CRYZL1: variants seen among roughly 807,000 people sequenced by gnomAD.
CRYZL1 encodes crystallin zeta like 1, also known as ferry endosomal RAB5 effector complex subunit 4.
CRYZL1 carries 34 observed loss-of-function variants against 50.6 expected under a neutral mutation model. That is an observed-to-expected ratio of 0.67 (90% CI 0.51 to 0.89). The LOEUF (loss-of-function observed/expected upper bound fraction) is 0.89, where lower values mean the gene tolerates loss of function less well. CRYZL1 is among the 40% of genes least tolerant of loss of function. CRYZL1 has a pLI of 0.00. For missense variants in CRYZL1, 354 were observed against 402.3 expected, an observed-to-expected ratio of 0.88 and a Z score of 1.03; for synonymous variants, 125 against 134.3, an observed-to-expected ratio of 0.93 and a Z score of 0.48.
chr21:33,613,418 C>A, intron 6 of CRYZL1, 120 bp downstream of exon 6: 1 of 642,186 alleles, frequency 1.6e-6, no homozygotes, highest in Non-Finnish European at 2.7e-6. Context: ...ACATGACTGG[C>A]TAATGATACT....
rs761727046 is a variant in CRYZL1, at chr21:33,597,258, G to A, written c.798+22C>T. The stretch of plus-strand genomic sequence containing the variant: ...TACACCCCTTTGGTGTAATGGTAAC[G>A]CTTTATGGTTTCTGATAGTACCTGA... On this transcript the variant is annotated intron_variant, in intron 10 of 12. Coordinates refer to ENST00000381554, the MANE Select transcript of CRYZL1 (RefSeq NM_145858.3). 1.1e-5 allele frequency: 18 copies of A among 1,611,154 alleles called. No individual in the cohort carries two copies. The Admixed American group carries it at 1.3e-4, about 12-fold the overall frequency.
Position 33,624,895 on chromosome 21 carries a change from C to A in CRYZL1, c.67-135G>T. 5 of 1,211,006 alleles carry A rather than the reference C, an allele frequency of 4.1e-6. No homozygotes were observed. In the South Asian group the frequency reaches 8.3e-5, roughly 20 times the overall value. The allele number at this position is 1,211,006 out of a possible 1,614,324, so 75.0% of individuals were successfully genotyped here. A position where few individuals can be genotyped will look rare whatever the true frequency, so the allele number is the denominator to read the frequency against. On this transcript the variant is annotated intron_variant, in intron 2 of 12. Transcript: ENST00000381554. ...TAAATCTCACAGCTAATTTTAACAA[C>A]TATAAGTAATTATAGAAATGTATAT...
chr21:33,624,710 A>G lies in CRYZL1; in HGVS notation c.117T>C (p.Ala39=), dbSNP rs1402754818. ...EDNFVKLQVK[A]CALSQINTKL... ...TTGTATTTATCTGGCTCAGAGCACA[A>G]GCTTTAACTTGAAGTTTCACAAAGT... The change falls in exon 3 of 13, where the codon GCT becomes GCC. Residue 39 remains alanine (A), a synonymous_variant. Coordinates refer to ENST00000381554, the MANE Select transcript of CRYZL1 (RefSeq NM_145858.3). The G allele has an allele frequency of 3.8e-6, 6 of 1,598,694 alleles. No homozygotes were observed. The highest frequency in any genetic ancestry group is 5.1e-6 in the Non-Finnish European group (6 of 1,176,380).
At chr21:33,604,738 A>G (rs960561086) in intron 6 of CRYZL1, among the ~76,000 whole-genome samples, 3 of 152,076 alleles carry the variant, frequency 2.0e-5, no homozygotes, top group Non-Finnish European at 4.4e-5. Flanking sequence ...TTGCTTACCC[A>G]TTGTTTAGCT....
rs577713387 is a variant in CRYZL1 at position 33,631,607 on chromosome 21, A to G, written c.-6-50T>C. The G allele has an allele frequency of 1.1e-4, 132 of 1,220,092 alleles. No homozygotes were observed. The African/African-American group carries it at 2.0e-3, about 18-fold the overall frequency. The allele number at this position is 1,220,092 out of a possible 1,614,324, so 75.6% of individuals were successfully genotyped here. ...AATAAAATAACAAGTCTTCCAGACTAAATGTAAGCAAAAATGGAAAAACAG... is the reference window on the plus strand; with the variant it reads ...AATAAAATAACAAGTCTTCCAGACTGAATGTAAGCAAAAATGGAAAAACAG... On this transcript the variant is annotated intron_variant, in intron 1 of 12. Transcript: ENST00000381554.
chr21:33,600,740 C>T, intron 8 of CRYZL1, among the ~76,000 whole-genome samples: 1 of 151,166 alleles, frequency 6.6e-6, no homozygotes. Flanking sequence ...ATTCTCCTGC[C>T]TCAGCCTCCC....
At position 33,641,086 on chromosome 21, in the gene CRYZL1, T is replaced by C. The variant is rs186701987; in HGVS notation, c.-7+595A>G. On this transcript the variant is annotated intron_variant, in intron 1 of 12. Transcript: ENST00000381554. ...TACTGGACAGAGTTCAGGTAAAACC[T>C]TTCTACTCATAACGTGGACAGCAGC... is the stretch of plus-strand genomic sequence containing the variant. 9.0e-4 allele frequency: 1,377 copies of C among 1,529,816 alleles called. 1 individual carries two copies. Among genetic ancestry groups the C allele is most frequent in the Non-Finnish European group, 1.1e-3 (1,304 of 1,140,654 alleles). 94.8% of individuals were successfully genotyped at this position (1,529,816 alleles called of 1,614,324 possible). A position where few individuals can be genotyped will look rare whatever the true frequency, so the allele number is the denominator to read the frequency against.
At chr21:33,625,663 TTGTAGGGCTGGG>T (rs1411076905) in intron 2 of CRYZL1, among the ~76,000 whole-genome samples, 2 of 151,708 alleles carry the variant, frequency 1.3e-5, no homozygotes, top group African/African-American at 4.8e-5. Context: ...TTTAATTTTT[TTGTAGGGCTGGG>T]GTATTGCTAT....
Position 33,591,187 on chromosome 21 carries a change from C to A in CRYZL1, c.925G>T (p.Glu309Ter). The A allele has an allele frequency of 6.2e-7, 1 of 1,610,388 alleles. No individual in the cohort carries two copies. Among genetic ancestry groups the A allele is most frequent in the East Asian group, 2.2e-5 (1 of 44,862 alleles). Residue 309 changes from glutamate to a stop codon, truncating the protein, a stop_gained, in exon 12 of 13, where the codon GAG becomes TAG. Coordinates refer to ENST00000381554, the MANE Select transcript of CRYZL1 (RefSeq NM_145858.3). LOFTEE classifies it high-confidence loss of function. ...CTGAAAACACCAGTTGATAACTTCT[C>A]CATCACATCCTTTAAGATACGTAGC... ...KYLCILKDVMEKLSTGVFRPQ... is the reference protein window; with the variant it reads ...KYLCILKDVM
At chr21:33,614,450 C>T (rs1292704995) in intron 5 of CRYZL1, among the ~76,000 whole-genome samples, 5 of 152,228 alleles carry the variant, frequency 3.3e-5, no homozygotes, top group African/African-American at 1.2e-4. Flanking sequence ...GATTACACCA[C>T]TGCACTCCAG....
rs746108348 is a variant in CRYZL1, at chr21:33,602,234, C to CTATGGGAGG, written c.568_576dup (p.Pro190_Ile192dup). On this transcript the variant is annotated inframe_insertion and splice_region_variant, in exon 8 of 13. Coordinates refer to ENST00000381554, the MANE Select transcript of CRYZL1 (RefSeq NM_145858.3). ...AGTCTGTGCTCATAATATTACCCAC[C>CTATGGGAGG]TATGGGAGGTCTGAATCTTTCAAGG... 3.8e-5 allele frequency: 57 copies of CTATGGGAGG among 1,511,834 alleles called. No individual in the cohort carries two copies. The highest frequency in any genetic ancestry group is 4.4e-5 in the Non-Finnish European group (48 of 1,087,006). The allele number at this position is 1,511,834 out of a possible 1,614,324, so 93.7% of individuals were successfully genotyped here. A position where few individuals can be genotyped will look rare whatever the true frequency, so the allele number is the denominator to read the frequency against.
At chr21:33,632,930 C>T (rs765704795) in intron 1 of CRYZL1, among the ~76,000 whole-genome samples, 3 of 152,144 alleles carry the variant, frequency 2.0e-5, no homozygotes, top group Non-Finnish European at 2.9e-5. Context: ...ACCCAATATC[C>T]TAAATTTTAA....
At chr21:33,607,297 A>C (rs1294106923) in intron 6 of CRYZL1, among the ~76,000 whole-genome samples, 2 of 152,196 alleles carry the variant, frequency 1.3e-5, no homozygotes, top group South Asian at 2.1e-4. Context: ...GGTTTGGTAA[A>C]GAACAGACTT....
At chr21:33,610,420 T>G (rs1161149334) in intron 6 of CRYZL1, among the ~76,000 whole-genome samples, 1 of 152,198 alleles carries the variant, frequency 6.6e-6, no homozygotes, top group East Asian at 1.9e-4. Flanking sequence ...CCTCCCAAAG[T>G]GCTGGGATTA....
rs191466327 is a variant in CRYZL1, at chr21:33,602,124, G to A, written c.577+110C>T. On this transcript the variant is annotated intron_variant, in intron 8 of 12. Coordinates refer to ENST00000381554, the MANE Select transcript of CRYZL1 (RefSeq NM_145858.3). ...CAAGGTGCTGAGGTTACAGTTGTGA[G>A]CCACTGCACCTGGCCAGGGATTTTG... 392 of 647,312 alleles carry A rather than the reference G, an allele frequency of 6.1e-4. No homozygotes were observed. In the African/African-American group the frequency reaches 6.2e-3, roughly 10 times the overall value. 40.1% of individuals were successfully genotyped at this position (647,312 alleles called of 1,614,324 possible). A position where few individuals can be genotyped will look rare whatever the true frequency, so the allele number is the denominator to read the frequency against.
chr21:33,630,095 G>T (rs550698375), intron 2 of CRYZL1, among the ~76,000 whole-genome samples: 2 of 152,218 alleles, frequency 1.3e-5, no homozygotes, highest in South Asian at 4.1e-4. Flanking sequence ...CTCGATCATG[G>T]CCGTCAGGGA....
intron 7 of CRYZL1, 140 bp from the exon 8 acceptor site, chr21:33,602,485 A>G: frequency 2.2e-6 from 1 of 444,994 alleles, no homozygotes; most frequent in East Asian, 3.4e-5. Flanking sequence ...ATAGGAAAAG[A>G]GCAAAGTTAT....
chr21:33,602,391 G>T (rs768919142), intron 7 of CRYZL1, 46 bp from the exon 8 acceptor site: 10 of 781,286 alleles, frequency 1.3e-5, no homozygotes, highest in Non-Finnish European at 2.2e-5. Context: ...ATAGAACAGA[G>T]GCCATATCGA....
Position 33,640,098 on chromosome 21 carries a change from T to C in CRYZL1, c.-7+1583A>G. 3 of 1,531,982 alleles carry C rather than the reference T, an allele frequency of 2.0e-6. No homozygotes were observed. In the South Asian group the frequency reaches 3.6e-5, roughly 18 times the overall value. The allele number at this position is 1,531,982 out of a possible 1,614,324, so 94.9% of individuals were successfully genotyped here. A position where few individuals can be genotyped will look rare whatever the true frequency, so the allele number is the denominator to read the frequency against. On this transcript the variant is annotated intron_variant, in intron 1 of 12. Transcript: ENST00000381554. ...GCCTAGGCCTCCCAAAGTGCTGGGA[T>C]TACAGGCGTGAGCCACCACGCTCGG...
Sources: gnomAD v4.1 joint callset for allele counts (sites outside exome capture counted in the v4.1 genomes callset) on GRCh38, gnomAD v4.1.1 for gene constraint, MANE v1.5 for transcripts, NCBI Gene and HGNC (gene_info 2026-07-23, HGNC 2026-07-21) for gene names.